SAMMSON: variants seen among roughly 807,000 people sequenced by gnomAD.
SAMMSON encodes long intergenic non-protein coding RNA 1212.
At chr3:70,117,529 T>C (rs995829460) in intron 4 of SAMMSON, among the ~76,000 whole-genome samples, 8 of 152,230 alleles carry the variant, frequency 5.3e-5, no homozygotes, top group African/African-American at 1.7e-4. Context: ...TTGCCTTCAA[T>C]TGATTGAAAA....
At chr3:70,324,965 G>A (rs1702568457) in intron 7 of SAMMSON, among the ~76,000 whole-genome samples, 1 of 151,390 alleles carries the variant, frequency 6.6e-6, no homozygotes, top group South Asian at 2.1e-4. Context: ...AAAAGGCATT[G>A]GATATTGAAA....
rs535319146 is a variant in SAMMSON, at chr3:70,271,396, C to G, written n.675-19783C>G. ...ACTGGTGGAACTCCAATGGTTCCAGCTCACTGGAACCATTTGGGATGCAGA... is the reference window on the plus strand; with the variant it reads ...ACTGGTGGAACTCCAATGGTTCCAGGTCACTGGAACCATTTGGGATGCAGA... On this transcript the variant is annotated intron_variant and non_coding_transcript_variant, in intron 6 of 9. Transcript: ENST00000642114. Among the ~76,000 whole-genome samples, 3 of 152,282 alleles carry G rather than the reference C, an allele frequency of 2.0e-5. No homozygotes were observed. The East Asian group carries it at 5.8e-4, about 29-fold the overall frequency.
chr3:70,336,814 T>TGTGTGTG (rs1408587252), intron 7 of SAMMSON, among the ~76,000 whole-genome samples: 1 of 126,658 alleles, frequency 7.9e-6, no homozygotes, highest in Non-Finnish European at 1.7e-5. Context: ...AATAGAAAGT[T>TGTGTGTG]TGTGTGTGTG....
intron 6 of SAMMSON, among the ~76,000 whole-genome samples, chr3:70,263,040 A>G (rs996878060): frequency 1.3e-5 from 2 of 152,024 alleles, no homozygotes; most frequent in African/African-American, 4.8e-5. Context: ...TATTTCATTT[A>G]TTTCTAGGTA....
intron 4 of SAMMSON, among the ~76,000 whole-genome samples, chr3:70,224,371 G>A (rs1171829556): frequency 6.6e-6 from 1 of 152,176 alleles, no homozygotes; most frequent in Non-Finnish European, 1.5e-5. Flanking sequence ...CCATGGCTGA[G>A]CTGCTTTATT....
At chr3:70,313,089 T>C (rs1482290565) in intron 7 of SAMMSON, among the ~76,000 whole-genome samples, 2 of 152,190 alleles carry the variant, frequency 1.3e-5, no homozygotes, top group African/African-American at 4.8e-5. Context: ...TCAAGTTTTT[T>C]TTGATCATCT....
At chr3:70,018,452 C>T (rs1402586307) in intron 3 of SAMMSON, among the ~76,000 whole-genome samples, 3 of 152,010 alleles carry the variant, frequency 2.0e-5, no homozygotes, top group African/African-American at 7.3e-5. Context: ...TTTATTGCGT[C>T]TATTTGATTC....
chr3:70,148,016 T>C (rs950072626), intron 4 of SAMMSON, among the ~76,000 whole-genome samples: 13 of 152,082 alleles, frequency 8.5e-5, no homozygotes, highest in Non-Finnish European at 1.8e-4. Context: ...AGAAGGCAGA[T>C]GAGCACATGA....
intron 4 of SAMMSON, among the ~76,000 whole-genome samples, chr3:70,077,896 T>G (rs923098992): frequency 3.9e-5 from 6 of 152,190 alleles, no homozygotes; most frequent in Non-Finnish European, 8.8e-5. Flanking sequence ...CATTCACTCC[T>G]TAGCAACTGC....
chr3:70,122,911 TA>T (rs1228953186), intron 4 of SAMMSON, among the ~76,000 whole-genome samples: 1 of 152,242 alleles, frequency 6.6e-6, no homozygotes, highest in African/African-American at 2.4e-5. Context: ...TTTTCTTTTG[TA>T]TAGCATTCAC....
At chr3:70,083,540 A>G (rs552560094) in intron 4 of SAMMSON, among the ~76,000 whole-genome samples, 2 of 152,248 alleles carry the variant, frequency 1.3e-5, no homozygotes, top group South Asian at 4.1e-4. Context: ...CAGGACCTTA[A>G]ATTATGAGTT....
intron 2 of SAMMSON, among the ~76,000 whole-genome samples, chr3:70,420,009 AT>A (rs1701298920): frequency 6.6e-6 from 1 of 152,218 alleles, no homozygotes; most frequent in Non-Finnish European, 1.5e-5. Flanking sequence ...AGGATTAACA[AT>A]TTCCCAAAAA....
chr3:70,294,594 G>A (rs978544184), intron 7 of SAMMSON, among the ~76,000 whole-genome samples: 2 of 152,058 alleles, frequency 1.3e-5, no homozygotes, highest in Non-Finnish European at 2.9e-5. Flanking sequence ...CAAGGTAGCC[G>A]GGTCACTTAG....
At chr3:70,291,379 T>A (rs935193118) in intron 7 of SAMMSON, 1 of 152,210 alleles carries the variant, frequency 6.6e-6, no homozygotes, top group Non-Finnish European at 1.5e-5. Flanking sequence ...TGAATACTGT[T>A]ATCATTACGA....
intron 1 of SAMMSON, among the ~76,000 whole-genome samples, chr3:70,012,174 G>A (rs1481999417): frequency 6.6e-6 from 1 of 152,020 alleles, no homozygotes; most frequent in Admixed American, 6.6e-5. Context: ...AGTGTCTGTT[G>A]GTCCCTGGGG....
At position 70,369,786 on chromosome 3, in the gene SAMMSON, C is replaced by CTCA. The variant is rs569783969; in HGVS notation, n.913+11463_913+11465dup. ...TCAGGGTGTTTAGGGTATCCATCAC[C>CTCA]TCAAGTATTTATCATTTCTATGTGT... On this transcript the variant is annotated intron_variant and non_coding_transcript_variant, in intron 9 of 9. Coordinates refer to ENST00000642114, the Ensembl canonical transcript of SAMMSON. 1.3e-4 allele frequency among the ~76,000 whole-genome samples: 20 copies of CTCA among 151,866 alleles called. 1 individual carries two copies. In the South Asian group the frequency reaches 4.1e-3, roughly 32 times the overall value.
intron 4 of SAMMSON, among the ~76,000 whole-genome samples, chr3:70,095,692 T>C (rs905248121): frequency 1.3e-5 from 2 of 151,944 alleles, no homozygotes; most frequent in African/African-American, 4.8e-5. Context: ...TTCTTAGGAG[T>C]TGTTTTGAGG....
intron 4 of SAMMSON, among the ~76,000 whole-genome samples, chr3:70,195,693 T>A (rs916108076): frequency 6.6e-6 from 1 of 152,230 alleles, no homozygotes; most frequent in Non-Finnish European, 1.5e-5. Flanking sequence ...TGCATGATGC[T>A]TTTTTATATT....
At chr3:70,021,239 T>G (rs2067012222) in intron 3 of SAMMSON, among the ~76,000 whole-genome samples, 1 of 152,196 alleles carries the variant, frequency 6.6e-6, no homozygotes, top group Non-Finnish European at 1.5e-5. Flanking sequence ...CCTGTCATAA[T>G]TAGTGTAATG....
Sources: allele counts gnomAD v4.1 joint callset (sites outside exome capture counted in the v4.1 genomes callset), GRCh38; gene constraint gnomAD v4.1.1; transcripts MANE v1.5; gene names NCBI Gene and HGNC (gene_info 2026-07-23, HGNC 2026-07-21).